FHIP1A: variants seen among roughly 807,000 people sequenced by gnomAD.
The protein encoded by FHIP1A is FHF complex subunit HOOK interacting protein 1A.
A neutral mutation model predicts 88.6 loss-of-function variants in FHIP1A; 61 were observed. That is an observed-to-expected ratio of 0.69 (90% CI 0.56 to 0.85). The LOEUF (loss-of-function observed/expected upper bound fraction) is 0.85, where lower values mean the gene tolerates loss of function less well. FHIP1A is among the 40% of genes least tolerant of loss of function. The pLI is 0.00. For synonymous variants in FHIP1A, 478 were observed against 496.0 expected (o/e 0.96, Z 0.48); for missense variants, 1,154 against 1,273.5 (o/e 0.91, Z 1.43).
At chr4:151,468,388 T>G (rs1196655348) in intron 2 of FHIP1A, among the ~76,000 whole-genome samples, 2 of 152,126 alleles carry the variant, frequency 1.3e-5, no homozygotes, top group Admixed American at 6.5e-5. Flanking sequence ...AATAAACTTT[T>G]TGGGTGATTC....
intron 3 of FHIP1A, among the ~76,000 whole-genome samples, chr4:151,560,421 G>GT (rs933250006): frequency 6.6e-6 from 1 of 151,794 alleles, no homozygotes; most frequent in Non-Finnish European, 1.5e-5. Flanking sequence ...TTACATTTCT[G>GT]TTTTTTTTCC....
chr4:151,436,662 C>T (rs1011837604), intron 1 of FHIP1A: 4 of 152,178 alleles, frequency 2.6e-5, no homozygotes, highest in African/African-American at 9.6e-5. Flanking sequence ...TCAAATCACC[C>T]TCTCAGTTCT....
At chr4:151,474,300 T>G (rs1463220440) in intron 2 of FHIP1A, among the ~76,000 whole-genome samples, 1 of 152,230 alleles carries the variant, frequency 6.6e-6, no homozygotes, top group Non-Finnish European at 1.5e-5. Flanking sequence ...TAGTTATGCC[T>G]CACTACCTTA....
intron 3 of FHIP1A, among the ~76,000 whole-genome samples, chr4:151,496,232 A>ATTATATATATATATTT (rs1190826798): frequency 6.0e-5 from 9 of 149,358 alleles, no homozygotes; most frequent in Non-Finnish European, 1.2e-4. Context: ...TAAACAAAAG[A>ATTATATATATATATTT]TTATATATAT....
chr4:151,567,904 C>T (rs777846308), intron 4 of FHIP1A, among the ~76,000 whole-genome samples: 6 of 152,142 alleles, frequency 3.9e-5, no homozygotes, highest in Non-Finnish European at 7.3e-5. Flanking sequence ...ACGTAATCTT[C>T]GCTCCCAGCC....
At chr4:151,522,136 TTC>T (rs1381612800) in intron 3 of FHIP1A, among the ~76,000 whole-genome samples, 1 of 152,202 alleles carries the variant, frequency 6.6e-6, no homozygotes, top group African/African-American at 2.4e-5. Flanking sequence ...TGTCCCCTTT[TTC>T]TCTCTTTCCT....
chr4:151,623,009 C>T lies in FHIP1A; in HGVS notation c.979-6693C>T, dbSNP rs1335655812. Among the ~76,000 whole-genome samples the T allele has an allele frequency of 1.7e-4, 26 of 152,102 alleles. 1 individual carries two copies. The highest frequency in any genetic ancestry group is 1.7e-3 in the Admixed American group (26 of 15,268). On this transcript the variant is annotated intron_variant, in intron 7 of 13. Transcript: ENST00000435205. ...TAGGAAAGGAGGCTATAGACGTAGC[C>T]ATTTGCTGAATCCTCCAAGGAGAGA...
chr4:151,625,637 T>C (rs1336685164), intron 7 of FHIP1A, among the ~76,000 whole-genome samples: 1 of 152,000 alleles, frequency 6.6e-6, no homozygotes, highest in Non-Finnish European at 1.5e-5. Context: ...TGGTTCTGGC[T>C]TTAATTTTTT....
chr4:151,417,684 GTTC>G (rs1732946576), intron 1 of FHIP1A, among the ~76,000 whole-genome samples: 1 of 152,136 alleles, frequency 6.6e-6, no homozygotes, highest in Admixed American at 6.5e-5. Context: ...TCCAGACCCT[GTTC>G]TTCTGCCTCA....
intron 8 of FHIP1A, among the ~76,000 whole-genome samples, chr4:151,631,443 A>G (rs1013250445): frequency 6.6e-6 from 1 of 152,164 alleles, no homozygotes; most frequent in Non-Finnish European, 1.5e-5. Flanking sequence ...TCAAAATAAG[A>G]TTAAAATAGA....
intron 7 of FHIP1A, among the ~76,000 whole-genome samples, chr4:151,606,423 A>G (rs1387036482): frequency 6.6e-6 from 1 of 152,162 alleles, no homozygotes; most frequent in African/African-American, 2.4e-5. Context: ...AAAAGCATGG[A>G]ATGTAAGATG....
At chr4:151,560,572 A>G (rs1304692161) in intron 3 of FHIP1A, among the ~76,000 whole-genome samples, 1 of 152,102 alleles carries the variant, frequency 6.6e-6, no homozygotes, top group Non-Finnish European at 1.5e-5. Context: ...ACCTTAGTCA[A>G]CTTTTAGGGT....
intron 7 of FHIP1A, among the ~76,000 whole-genome samples, chr4:151,604,560 AT>A (rs1030321128): frequency 3.3e-5 from 5 of 152,178 alleles, no homozygotes; most frequent in Admixed American, 1.3e-4. Flanking sequence ...TTAAAAATGA[AT>A]TTTTGGGCCG....
At chr4:151,548,880 A>G (rs1432325834) in intron 3 of FHIP1A, among the ~76,000 whole-genome samples, 1 of 152,246 alleles carries the variant, frequency 6.6e-6, no homozygotes, top group African/African-American at 2.4e-5. Context: ...ACATAAATTT[A>G]ATTTTCTCAG....
intron 7 of FHIP1A, among the ~76,000 whole-genome samples, chr4:151,599,540 G>A (rs1425212018): frequency 1.3e-5 from 2 of 152,188 alleles, no homozygotes; most frequent in African/African-American, 4.8e-5. Flanking sequence ...AGGCTGGCTG[G>A]AAGTGTCCTA....
At chr4:151,646,208 A>G (rs1736785178) in intron 9 of FHIP1A, among the ~76,000 whole-genome samples, 1 of 152,192 alleles carries the variant, frequency 6.6e-6, no homozygotes, top group African/African-American at 2.4e-5. Context: ...CTGAAGCTGG[A>G]CTTTGTAGAA....
At chr4:151,560,328 A>C (rs1733122946) in intron 3 of FHIP1A, among the ~76,000 whole-genome samples, 1 of 152,164 alleles carries the variant, frequency 6.6e-6, no homozygotes, top group African/African-American at 2.4e-5. Flanking sequence ...TGATTGACAA[A>C]ACTGTAGATA....
At position 151,510,495 on chromosome 4, in the gene FHIP1A, G is replaced by A. The variant is rs114661543; in HGVS notation, c.-123+27847G>A. ...TGCAAAAATAGTATGGAGAGTTCTT[G>A]TAGACCCTTCACCCAGCTTCCCTTA... On this transcript the variant is annotated intron_variant, in intron 3 of 13. Transcript: ENST00000435205. 5.4e-3 allele frequency among the ~76,000 whole-genome samples: 816 copies of A among 152,276 alleles called. 7 individuals carry two copies. Among genetic ancestry groups the A allele is most frequent in the African/African-American group, 0.019 (794 of 41,560 alleles).
At chr4:151,591,446 ATTTATT>A (rs1310304866) in intron 7 of FHIP1A, among the ~76,000 whole-genome samples, 10 of 151,298 alleles carry the variant, frequency 6.6e-5, no homozygotes, top group African/African-American at 1.9e-4. Context: ...TTAATTCTTT[ATTTATT>A]TTTATTGTAT....
Sources: allele counts gnomAD v4.1 joint callset (sites outside exome capture counted in the v4.1 genomes callset), GRCh38; gene constraint gnomAD v4.1.1; transcripts MANE v1.5; gene names NCBI Gene and HGNC (gene_info 2026-07-23, HGNC 2026-07-21).